Variants in ABCA13 observed in about 807,000 individuals in gnomAD.
The protein encoded by ABCA13 is ATP-binding cassette sub-family A member 13.
Under a neutral mutation model 478.7 loss-of-function variants are expected in ABCA13, and 476 were observed. The observed-to-expected ratio is 0.99, with a 90% CI of 0.92 to 1.07. The LOEUF (loss-of-function observed/expected upper bound fraction) is 1.07, where lower values mean the gene tolerates loss of function less well. ABCA13 is among the 50% of genes least tolerant of loss of function. The pLI is 0.00. For missense variants in ABCA13, 6,060 were observed against 5,910.6 expected (o/e 1.03, Z -0.83); for synonymous variants, 2,252 against 2,158.9 (o/e 1.04, Z -1.20).
chr7:48,636,306 G>A (rs375890927), intron 59 of ABCA13, among the ~76,000 whole-genome samples: 11 of 152,166 alleles, frequency 7.2e-5, no homozygotes, highest in South Asian at 6.2e-4. Context: ...CAACCATAAC[G>A]TGGAGAAGCA....
chr7:48,348,920 A>G (rs972883723), intron 29 of ABCA13, among the ~76,000 whole-genome samples: 3 of 152,234 alleles, frequency 2.0e-5, no homozygotes, highest in Non-Finnish European at 4.4e-5. Flanking sequence ...GAAGTTTCAT[A>G]TGGTTCCACT....
At chr7:48,345,479 G>T (rs1807930240) in intron 29 of ABCA13, among the ~76,000 whole-genome samples, 1 of 151,426 alleles carries the variant, frequency 6.6e-6, no homozygotes, top group African/African-American at 2.4e-5. Flanking sequence ...CCCTGTGTAG[G>T]CCTAGGCTAA....
At position 48,372,153 on chromosome 7, in the gene ABCA13, T is replaced by G. The variant is rs376253634; in HGVS notation, c.10804-15T>G. On this transcript the variant is annotated splice_polypyrimidine_tract_variant and intron_variant, in intron 32 of 61. Coordinates refer to ENST00000435803, the MANE Select transcript of ABCA13 (RefSeq NM_152701.5). Reference sequence around the variant, plus strand: ...GCATGCTGTGGTAACCTTGGGTTTTTTCTCTTTTTGGTAGTATATGCGGAT... The same window carrying G: ...GCATGCTGTGGTAACCTTGGGTTTTGTCTCTTTTTGGTAGTATATGCGGAT... 2 of 1,599,086 alleles carry G rather than the reference T, an allele frequency of 1.3e-6. No individual in the cohort carries two copies. The highest frequency in any genetic ancestry group is 2.7e-5 in the African/African-American group (2 of 74,272).
chr7:48,646,332 G>A lies in ABCA13; in HGVS notation c.*820G>A, dbSNP rs1020249569. 4.6e-5 allele frequency: 7 copies of A among 152,040 alleles called. No individual in the cohort carries two copies. The allele number at this position is 152,040 out of a possible 1,614,324, so 9.4% of individuals were successfully genotyped here. A position where few individuals can be genotyped will look rare whatever the true frequency, so the allele number is the denominator to read the frequency against. On this transcript the variant is annotated 3_prime_UTR_variant, in exon 62 of 62. Transcript: ENST00000435803. Reference sequence around the variant, plus strand: ...TCAAAGCGTAGTGGTCCCCATATTAGCTGCATTGCCATCTTCTGGGAGCTT... The same window carrying A: ...TCAAAGCGTAGTGGTCCCCATATTAACTGCATTGCCATCTTCTGGGAGCTT...
intron 1 of ABCA13, among the ~76,000 whole-genome samples, chr7:48,182,024 T>C (rs1267679438): frequency 1.3e-5 from 2 of 152,120 alleles, no homozygotes; most frequent in Non-Finnish European, 2.9e-5. Context: ...GCACTTGATG[T>C]CCTGTATACC....
In ABCA13 at chr7:48,644,641, T is replaced by C; in HGVS notation, c.14968T>C (p.Tyr4990His). ...FKGQHLNLLE[Y>H]HVPKRWGCLA... ...GGGACAGCACCTGAATTTATTAGAA[T>C]ATCATGTGCCAAAAAGATGGGGATG... Residue 4990 changes from tyrosine (Y) to histidine (H), a missense_variant, in exon 61 of 62, where the codon TAT (tyrosine) becomes CAT (histidine). By Grantham distance (83) the Tyr-to-His change is moderately conservative (BLOSUM62 2). Coordinates refer to ENST00000435803, the MANE Select transcript of ABCA13 (RefSeq NM_152701.5). The C allele has an allele frequency of 1.3e-6, 2 of 1,598,532 alleles. No homozygotes were observed. Among genetic ancestry groups the C allele is most frequent in the Non-Finnish European group, 1.7e-6 (2 of 1,169,606 alleles).
At chr7:48,507,835 CG>C (rs1563368340) in intron 49 of ABCA13, 36 bp from the exon 50 acceptor site, 2 of 1,543,594 alleles carry the variant, frequency 1.3e-6, no homozygotes, top group Admixed American at 3.9e-5. Flanking sequence ...TTGTGTTCTT[CG>C]TCAGGTGCCT....
At chr7:48,586,595 G>T (rs900505138) in intron 56 of ABCA13, among the ~76,000 whole-genome samples, 37 of 152,230 alleles carry the variant, frequency 2.4e-4, no homozygotes, top group Middle Eastern at 6.8e-3. Context: ...GAGGGAGGGC[G>T]TGTGACAAGG....
intron 29 of ABCA13, among the ~76,000 whole-genome samples, chr7:48,343,033 G>C (rs1445920777): frequency 6.6e-6 from 1 of 151,094 alleles, no homozygotes; most frequent in African/African-American, 2.4e-5. Flanking sequence ...CTCACATTTT[G>C]GAAGTGCATG....
In ABCA13 at chr7:48,374,549, CT is replaced by C. The variant is rs1390023621; in HGVS notation, c.11203+136del. Reference sequence around the variant, plus strand: ...ATTCAGAATGAGGTTTGGATATTTGCTTTCACTGTTGTATACACCTCCCACT... The same window carrying C: ...ATTCAGAATGAGGTTTGGATATTTGCTTCACTGTTGTATACACCTCCCACT... On this transcript the variant is annotated intron_variant, in intron 34 of 61. Transcript: ENST00000435803. The C allele has an allele frequency of 7.4e-6, 6 of 814,078 alleles. No individual in the cohort carries two copies. The African/African-American group carries it at 1.1e-4, about 14-fold the overall frequency. The allele number at this position is 814,078 out of a possible 1,614,324, so 50.4% of individuals were successfully genotyped here.
chr7:48,350,295 C>G (rs936874281), intron 29 of ABCA13, among the ~76,000 whole-genome samples: 1 of 152,058 alleles, frequency 6.6e-6, no homozygotes, highest in Admixed American at 6.5e-5. Context: ...CCCCTGAACT[C>G]TCTGTGAGAG....
intron 55 of ABCA13, among the ~76,000 whole-genome samples, chr7:48,557,666 C>T (rs529264397): frequency 8.5e-5 from 13 of 152,172 alleles, no homozygotes; most frequent in African/African-American, 3.1e-4. Flanking sequence ...TATTAAATGG[C>T]TCAGAGTAGT....
intron 5 of ABCA13, among the ~76,000 whole-genome samples, chr7:48,224,300 A>C (rs1234245082): frequency 6.6e-6 from 1 of 152,200 alleles, no homozygotes; most frequent in Non-Finnish European, 1.5e-5. Flanking sequence ...TGGGGTGACC[A>C]CCAGACTCAC....
intron 45 of ABCA13, among the ~76,000 whole-genome samples, chr7:48,473,931 A>G (rs981571978): frequency 9.9e-5 from 15 of 152,208 alleles, no homozygotes; most frequent in Admixed American, 5.9e-4. Context: ...GTGAGCACTC[A>G]GAGTGTTGGT....
chr7:48,208,343 C>T (rs907553029), intron 3 of ABCA13, among the ~76,000 whole-genome samples: 7 of 151,878 alleles, frequency 4.6e-5, no homozygotes, highest in African/African-American at 1.7e-4. Flanking sequence ...CTATGAAGAA[C>T]ATCTTTGGTA....
At chr7:48,420,658 G>A (rs143697165) in intron 41 of ABCA13, among the ~76,000 whole-genome samples, 1 of 151,498 alleles carries the variant, frequency 6.6e-6, no homozygotes, top group Non-Finnish European at 1.5e-5. Context: ...AGTTCCTTGG[G>A]TGCATGAACT....
At chr7:48,351,650 C>T (rs1472863214) in intron 30 of ABCA13, among the ~76,000 whole-genome samples, 1 of 152,166 alleles carries the variant, frequency 6.6e-6, no homozygotes, top group African/African-American at 2.4e-5. Context: ...AACTTGATTA[C>T]TCTTTAAATG....
chr7:48,599,270 A>G (rs1326882029), intron 58 of ABCA13, among the ~76,000 whole-genome samples: 1 of 151,540 alleles, frequency 6.6e-6, no homozygotes, highest in Non-Finnish European at 1.5e-5. Flanking sequence ...TCTGTTATTC[A>G]TCTCTGATTT....
At chr7:48,252,292 A>T (rs1020650760) in intron 15 of ABCA13, among the ~76,000 whole-genome samples, 1 of 151,928 alleles carries the variant, frequency 6.6e-6, no homozygotes, top group Admixed American at 6.6e-5. Context: ...AAATTCAGTT[A>T]TTCTATTTTT....
Sources: gnomAD v4.1 joint callset for allele counts (sites outside exome capture counted in the v4.1 genomes callset) on GRCh38, gnomAD v4.1.1 for gene constraint, MANE v1.5 for transcripts, NCBI Gene and HGNC (gene_info 2026-07-23, HGNC 2026-07-21) for gene names.